OR2L13: variants seen among roughly 807,000 people sequenced by gnomAD.
OR2L13 encodes olfactory receptor 2L13.
OR2L13 carries 14 observed loss-of-function variants against 15.3 expected under a neutral mutation model. The ratio of observed to expected loss-of-function variants is 0.91; its 90% CI spans 0.60 to 1.43. The LOEUF is 1.43. Ranked by LOEUF, OR2L13 falls within the 40% of genes most tolerant of loss-of-function variation. The pLI is 0.00. For synonymous variants in OR2L13, 152 were observed against 142.9 expected (o/e 1.06, Z -0.45); for missense variants, 367 against 387.9 (o/e 0.95, Z 0.45).
the OR2L13 span, among the ~76,000 whole-genome samples, chr1:248,036,301 T>C: frequency 6.6e-6 from 1 of 152,214 alleles, no homozygotes; most frequent in African/African-American, 2.4e-5. Flanking sequence ...TTTCATTTAA[T>C]GCGGTATCAA....
chr1:248,087,326 G>T, the OR2L13 span, among the ~76,000 whole-genome samples: 354 of 152,240 alleles, frequency 2.3e-3, no homozygotes, highest in African/African-American at 8.0e-3. Context: ...ACACCCTGTG[G>T]ATGACAGGAC....
the OR2L13 span, among the ~76,000 whole-genome samples, chr1:248,085,439 T>TAAAATAAAATAAAATAAAAAAAA: frequency 1.9e-5 from 1 of 51,362 alleles, no homozygotes; most frequent in Non-Finnish European, 4.4e-5. Flanking sequence ...AATAAAATAA[T>TAAAATAAAATAAAATAAAAAAAA]AAAATAAAAA....
At chr1:247,990,175 G>A in the OR2L13 span, 202 of 554,062 alleles carry the variant, frequency 3.6e-4, 3 homozygotes, top group South Asian at 2.5e-3. Context: ...ATTCACTGGC[G>A]GGCTTGAAAT....
chr1:248,074,093 A>C, the OR2L13 span, among the ~76,000 whole-genome samples: 1 of 152,124 alleles, frequency 6.6e-6, no homozygotes, highest in Admixed American at 6.6e-5. Context: ...ATGTTTGACA[A>C]AATACTTTTC....
the OR2L13 span, among the ~76,000 whole-genome samples, chr1:248,085,863 C>T: frequency 6.6e-6 from 1 of 152,114 alleles, no homozygotes; most frequent in Non-Finnish European, 1.5e-5. Flanking sequence ...CTCACACGTG[C>T]AGTTCACAAT....
At chr1:247,958,936 A>G in the OR2L13 span, among the ~76,000 whole-genome samples, 2 of 152,136 alleles carry the variant, frequency 1.3e-5, no homozygotes, top group South Asian at 4.2e-4. Flanking sequence ...TATTTAGCCC[A>G]TTTACTTTTA....
At chr1:247,965,378 T>C in the OR2L13 span, 4 of 1,608,590 alleles carry the variant, frequency 2.5e-6, no homozygotes, top group Non-Finnish European at 3.4e-6. Context: ...GTTTCAGCCA[T>C]GAAAACAGGA....
At chr1:248,058,553 T>C in the OR2L13 span, among the ~76,000 whole-genome samples, 1 of 152,124 alleles carries the variant, frequency 6.6e-6, no homozygotes, top group Non-Finnish European at 1.5e-5. Flanking sequence ...TATCTTCTGA[T>C]ATTTATTACT....
the OR2L13 span, among the ~76,000 whole-genome samples, chr1:248,043,644 C>T: frequency 6.6e-6 from 1 of 152,022 alleles, no homozygotes; most frequent in Non-Finnish European, 1.5e-5. Context: ...ATCCAGACCC[C>T]AAAAGAGGGT....
At chr1:247,989,906 C>T in the OR2L13 span, among the ~76,000 whole-genome samples, 5 of 152,016 alleles carry the variant, frequency 3.3e-5, no homozygotes, top group African/African-American at 2.4e-5. Flanking sequence ...TATCTCATCA[C>T]GTAGACATTT....
chr1:248,023,133 A>T, the OR2L13 span: 1 of 331,304 alleles, frequency 3.0e-6, no homozygotes, highest in African/African-American at 2.1e-5. Context: ...ATAGAATTTC[A>T]TTATCATGTA....
the OR2L13 span, among the ~76,000 whole-genome samples, chr1:247,977,470 A>G: frequency 2.0e-5 from 3 of 152,218 alleles, no homozygotes; most frequent in Admixed American, 2.0e-4. Flanking sequence ...ATTCCTGTAG[A>G]TACTTTTTTT....
At chr1:247,969,440 C>T in the OR2L13 span, among the ~76,000 whole-genome samples, 2 of 152,134 alleles carry the variant, frequency 1.3e-5, no homozygotes, top group African/African-American at 4.8e-5. Flanking sequence ...TTTTATAACA[C>T]ACGTTCCCCT....
chr1:248,045,154 G>A, the OR2L13 span, among the ~76,000 whole-genome samples: 1 of 152,144 alleles, frequency 6.6e-6, no homozygotes, highest in Non-Finnish European at 1.5e-5. Flanking sequence ...ATATGACTAT[G>A]AAATTAAAGA....
chr1:248,100,127 A>G (rs765927416), exon 3 of OR2L13: 1 of 1,613,936 alleles, frequency 6.2e-7, no homozygotes, highest in Non-Finnish European at 8.5e-7. Context: ...ATCTTTTACT[A>G]TGCACCTTTT....
At chr1:247,967,035 A>T in the OR2L13 span, among the ~76,000 whole-genome samples, 5 of 148,830 alleles carry the variant, frequency 3.4e-5, no homozygotes, top group Admixed American at 1.4e-4. Context: ...GCATGCAAAC[A>T]CACCACACAC....
the OR2L13 span, chr1:247,965,778 G>A: frequency 6.3e-7 from 1 of 1,597,420 alleles, no homozygotes; most frequent in Non-Finnish European, 8.5e-7. Context: ...ATTATCCTAT[G>A]CTTATGAGCA....
the OR2L13 span, among the ~76,000 whole-genome samples, chr1:248,072,523 C>A: frequency 6.6e-6 from 1 of 151,904 alleles, no homozygotes; most frequent in Non-Finnish European, 1.5e-5. Flanking sequence ...CCATAAAAAC[C>A]CTAGAAGAAA....
At chr1:247,980,450 G>A in the OR2L13 span, among the ~76,000 whole-genome samples, 1 of 152,200 alleles carries the variant, frequency 6.6e-6, no homozygotes, top group South Asian at 2.1e-4. Context: ...AGATATCATT[G>A]GTATGAATGC....
Sources: allele counts gnomAD v4.1 joint callset (sites outside exome capture counted in the v4.1 genomes callset), GRCh38; gene constraint gnomAD v4.1.1; transcripts MANE v1.5; gene names NCBI Gene and HGNC (gene_info 2026-07-23, HGNC 2026-07-21).